RORA: variants seen among roughly 807,000 people sequenced by gnomAD.
RORA encodes RAR related orphan receptor A.
Under a neutral mutation model 69.5 loss-of-function variants are expected in RORA, and 7 were observed. That is an observed-to-expected ratio of 0.10 (90% confidence interval 0.06 to 0.19). RORA has a LOEUF of 0.19. Ranked by LOEUF, RORA falls within the 10% of genes least tolerant of loss-of-function variation. The pLI is 1.00. For synonymous variants in RORA, 261 were observed against 240.8 expected (o/e 1.08, Z -0.78); for missense variants, 457 against 663.0 (o/e 0.69, Z 3.41).
chr15:61,081,701 G>A (rs1447912324), intron 1 of RORA, among the ~76,000 whole-genome samples: 3 of 151,878 alleles, frequency 2.0e-5, no homozygotes, highest in African/African-American at 7.3e-5. Context: ...CCAGCTACTG[G>A]GGAGAGTGAG....
chr15:60,532,447 T>C (rs1415209576), intron 2 of RORA, among the ~76,000 whole-genome samples: 1 of 152,224 alleles, frequency 6.6e-6, no homozygotes, highest in Non-Finnish European at 1.5e-5. Flanking sequence ...TTGAATTTAA[T>C]AATGATGAAT....
At chr15:61,224,336 T>A (rs2080126720) in intron 1 of RORA, among the ~76,000 whole-genome samples, 1 of 152,212 alleles carries the variant, frequency 6.6e-6, no homozygotes, top group African/African-American at 2.4e-5. Flanking sequence ...TAAATTTTTT[T>A]ATTATTTGTT....
At chr15:60,725,180 G>A (rs1401611829) in intron 1 of RORA, among the ~76,000 whole-genome samples, 2 of 152,084 alleles carry the variant, frequency 1.3e-5, no homozygotes, top group Non-Finnish European at 2.9e-5. Context: ...ATTATCTTAC[G>A]AGTTTAGGCA....
chr15:60,918,890 G>A (rs565996609), intron 1 of RORA, among the ~76,000 whole-genome samples: 2 of 152,198 alleles, frequency 1.3e-5, no homozygotes, highest in African/African-American at 2.4e-5. Context: ...TAGGCAGAGA[G>A]TAAGGAAGCT....
chr15:60,503,763 T>C, intron 6 of RORA, 96 bp from the exon 7 acceptor site: 1 of 1,476,244 alleles, frequency 6.8e-7, no homozygotes, highest in African/African-American at 1.4e-5. Flanking sequence ...GCCACTGCTT[T>C]AGCCCTGGGC....
chr15:60,658,412 G>GAGATCCA (rs2070255524), intron 2 of RORA, among the ~76,000 whole-genome samples: 1 of 152,098 alleles, frequency 6.6e-6, no homozygotes, highest in African/African-American at 2.4e-5. Context: ...GGAGATCAAG[G>GAGATCCA]GGATTCCTGG....
At chr15:60,855,864 C>T (rs2073374344) in intron 1 of RORA, among the ~76,000 whole-genome samples, 1 of 152,222 alleles carries the variant, frequency 6.6e-6, no homozygotes, top group African/African-American at 2.4e-5. Flanking sequence ...ATCCATCCAC[C>T]TCGGCCTCCC....
In RORA at chr15:60,494,804, G is replaced by A. The variant is rs1426637204; in HGVS notation, c.*2651C>T. ...TTTACCGTAAAAGCAATGTCACCAT[G>A]GCATGACTATTACTGTGGTTAGAGC... On this transcript the variant is annotated 3_prime_UTR_variant, in exon 11 of 11. Transcript: ENST00000335670. 1 of 152,154 alleles carries A rather than the reference G, an allele frequency of 6.6e-6. No individual in the cohort carries two copies. The highest frequency in any genetic ancestry group is 1.5e-5 in the Non-Finnish European group (1 of 68,046). 9.4% of individuals were successfully genotyped at this position (152,154 alleles called of 1,614,324 possible). A position where few individuals can be genotyped will look rare whatever the true frequency, so the allele number is the denominator to read the frequency against.
chr15:60,791,299 T>C (rs2072413638), intron 1 of RORA, among the ~76,000 whole-genome samples: 1 of 152,172 alleles, frequency 6.6e-6, no homozygotes, highest in Non-Finnish European at 1.5e-5. Flanking sequence ...TATCTAAATA[T>C]AAATGTAAGG....
chr15:60,810,946 T>A (rs1005878195), intron 1 of RORA, among the ~76,000 whole-genome samples: 1 of 152,224 alleles, frequency 6.6e-6, no homozygotes, highest in African/African-American at 2.4e-5. Flanking sequence ...CAATGCCAGC[T>A]TCTTTGGTCT....
At chr15:60,850,809 T>A (rs998110500) in intron 1 of RORA, among the ~76,000 whole-genome samples, 11 of 152,222 alleles carry the variant, frequency 7.2e-5, no homozygotes, top group Admixed American at 2.0e-4. Flanking sequence ...TGCATTCTTC[T>A]GTGTTCAGGG....
At chr15:60,749,756 G>A (rs759167891) in intron 1 of RORA, among the ~76,000 whole-genome samples, 17 of 152,244 alleles carry the variant, frequency 1.1e-4, no homozygotes, top group African/African-American at 2.9e-4. Context: ...GGCTGGGTGC[G>A]GTGGCTCATA....
intron 1 of RORA, among the ~76,000 whole-genome samples, chr15:61,185,959 C>T (rs1208021241): frequency 6.6e-6 from 1 of 152,178 alleles, no homozygotes; most frequent in Admixed American, 6.5e-5. Flanking sequence ...ATACATCCTT[C>T]ACCACCCAGC....
intron 2 of RORA, among the ~76,000 whole-genome samples, chr15:60,611,004 C>A (rs2069072513): frequency 6.6e-6 from 1 of 152,166 alleles, no homozygotes; most frequent in Non-Finnish European, 1.5e-5. Flanking sequence ...GTAGATAAAG[C>A]TAAGAAGTCA....
chr15:60,542,531 C>G (rs1426170510), intron 2 of RORA, among the ~76,000 whole-genome samples: 1 of 5,380 alleles, frequency 1.9e-4, no homozygotes, highest in Non-Finnish European at 1.4e-3. Flanking sequence ...CACATGCACA[C>G]CTCACACAGA....
chr15:61,027,489 C>A (rs909475918), intron 1 of RORA, among the ~76,000 whole-genome samples: 1 of 152,162 alleles, frequency 6.6e-6, no homozygotes, highest in Non-Finnish European at 1.5e-5. Context: ...AACTATACTA[C>A]TGAGATTGAC....
intron 1 of RORA, among the ~76,000 whole-genome samples, chr15:60,763,578 T>C (rs1239770469): frequency 6.6e-6 from 1 of 152,142 alleles, no homozygotes; most frequent in East Asian, 1.9e-4. Flanking sequence ...GAGCCCCAAC[T>C]GTCACCAATC....
At chr15:60,800,076 T>C (rs565729334) in intron 1 of RORA, among the ~76,000 whole-genome samples, 1 of 152,348 alleles carries the variant, frequency 6.6e-6, no homozygotes, top group African/African-American at 2.4e-5. Context: ...AACCTCGTAT[T>C]CAGCCACCCT....
chr15:61,062,208 C>T (rs1019094543), intron 1 of RORA, among the ~76,000 whole-genome samples: 1 of 152,222 alleles, frequency 6.6e-6, no homozygotes, highest in Non-Finnish European at 1.5e-5. Flanking sequence ...TGTCCCCACA[C>T]AGGGTTTTTG....
Sources: allele counts gnomAD v4.1 joint callset (sites outside exome capture counted in the v4.1 genomes callset), GRCh38; gene constraint gnomAD v4.1.1; transcripts MANE v1.5; gene names NCBI Gene and HGNC (gene_info 2026-07-23, HGNC 2026-07-21).